Variants in ARHGAP24 observed in about 807,000 individuals in gnomAD.
ARHGAP24 encodes the protein rho GTPase-activating protein 24.
A neutral mutation model predicts 76.4 loss-of-function variants in ARHGAP24; 50 were observed. The observed-to-expected ratio is 0.65, with a 90% CI of 0.52 to 0.83. The LOEUF (loss-of-function observed/expected upper bound fraction) is 0.83. Ranked by LOEUF, ARHGAP24 falls within the 40% of genes least tolerant of loss-of-function variation. The probability of loss-of-function intolerance (pLI) is 0.00; values close to 1 mark genes in which losing one functional copy is unlikely to be tolerated. For missense variants in ARHGAP24, 930 were observed against 914.2 expected, an observed-to-expected ratio of 1.02 and a Z score of -0.22; for synonymous variants, 345 against 323.3, an observed-to-expected ratio of 1.07 and a Z score of -0.72.
intron 5 of ARHGAP24, among the ~76,000 whole-genome samples, chr4:85,958,598 T>G (rs972237727): frequency 1.3e-5 from 2 of 152,198 alleles, no homozygotes; most frequent in African/African-American, 2.4e-5. Context: ...TTTTCTGTGT[T>G]TTATGACTCA....
chr4:85,616,546 A>G (rs1206616988), intron 2 of ARHGAP24, among the ~76,000 whole-genome samples: 2 of 152,024 alleles, frequency 1.3e-5, no homozygotes, highest in Non-Finnish European at 2.9e-5. Flanking sequence ...CAGAGGTATT[A>G]TTTGTATTTG....
intron 3 of ARHGAP24, among the ~76,000 whole-genome samples, chr4:85,787,190 A>G (rs1336572304): frequency 6.6e-6 from 1 of 152,244 alleles, no homozygotes; most frequent in African/African-American, 2.4e-5. Flanking sequence ...GAAAGTTAAA[A>G]GACACTAACA....
intron 3 of ARHGAP24, chr4:85,723,279 A>G (rs1268867571): frequency 1.3e-5 from 2 of 152,244 alleles, no homozygotes; most frequent in African/African-American, 4.8e-5. Context: ...CAATAATGCT[A>G]GAGGTCTACT....
At chr4:85,521,759 T>C (rs1724764120) in intron 1 of ARHGAP24, among the ~76,000 whole-genome samples, 1 of 152,200 alleles carries the variant, frequency 6.6e-6, no homozygotes, top group African/African-American at 2.4e-5. Flanking sequence ...ACAAGCATAG[T>C]ACATATTCTT....
chr4:85,944,646 G>C (rs566486893), intron 5 of ARHGAP24, among the ~76,000 whole-genome samples: 2 of 152,094 alleles, frequency 1.3e-5, no homozygotes, highest in East Asian at 3.9e-4. Context: ...TTTGTCTGGG[G>C]CCTCTTTTTT....
At chr4:85,622,798 G>T (rs1720769962) in intron 2 of ARHGAP24, among the ~76,000 whole-genome samples, 1 of 152,168 alleles carries the variant, frequency 6.6e-6, no homozygotes, top group South Asian at 2.1e-4. Context: ...TCTAACTGGT[G>T]TGAGATGATA....
chr4:85,521,162 C>T (rs1450416625), intron 1 of ARHGAP24, among the ~76,000 whole-genome samples: 1 of 152,048 alleles, frequency 6.6e-6, no homozygotes, highest in African/African-American at 2.4e-5. Context: ...TTTTCCCAAA[C>T]CCTTTACTAA....
At chr4:85,738,093 G>C (rs987421864) in intron 3 of ARHGAP24, among the ~76,000 whole-genome samples, 2 of 151,892 alleles carry the variant, frequency 1.3e-5, no homozygotes, top group African/African-American at 4.8e-5. Flanking sequence ...GCTAATTTTT[G>C]TATTTTTAGT....
At chr4:85,552,376 G>T (rs1726174180) in intron 1 of ARHGAP24, among the ~76,000 whole-genome samples, 1 of 152,058 alleles carries the variant, frequency 6.6e-6, no homozygotes, top group Non-Finnish European at 1.5e-5. Context: ...GTTGAGCTGT[G>T]GTCTGAGAGA....
At chr4:85,656,729 G>A (rs936401432) in intron 2 of ARHGAP24, among the ~76,000 whole-genome samples, 4 of 152,000 alleles carry the variant, frequency 2.6e-5, no homozygotes, top group African/African-American at 9.7e-5. Flanking sequence ...GCCTCCCAAA[G>A]TGCTGGGATT....
Position 85,757,503 on chromosome 4 carries a change from G to A in ARHGAP24, c.268+35531G>A, listed in dbSNP as rs190614804. Among the ~76,000 whole-genome samples the A allele has an allele frequency of 3.2e-3, 491 of 152,232 alleles. 7 individuals are homozygous for A. The highest frequency in any genetic ancestry group is 0.01 in the African/African-American group (433 of 41,524). On this transcript the variant is annotated intron_variant, in intron 3 of 9. Transcript: ENST00000395184. Reference sequence around the variant, plus strand: ...TTCCTTGCAATAGTTTGCTGAGAATGATGGTTTCCAGCTTCATCCATGTCC... The same window carrying A: ...TTCCTTGCAATAGTTTGCTGAGAATAATGGTTTCCAGCTTCATCCATGTCC...
chr4:85,934,461 G>A (rs901655877), intron 4 of ARHGAP24, among the ~76,000 whole-genome samples: 4 of 152,026 alleles, frequency 2.6e-5, no homozygotes, highest in Non-Finnish European at 5.9e-5. Context: ...AGCTTTCTCT[G>A]TTTACCAATT....
At chr4:85,644,494 A>T (rs1325871837) in intron 2 of ARHGAP24, among the ~76,000 whole-genome samples, 3 of 152,114 alleles carry the variant, frequency 2.0e-5, no homozygotes, top group Admixed American at 1.3e-4. Context: ...AATGATGATG[A>T]TTGCATATTT....
chr4:85,767,701 G>A (rs1040314138), intron 3 of ARHGAP24, among the ~76,000 whole-genome samples: 1 of 152,176 alleles, frequency 6.6e-6, no homozygotes, highest in Non-Finnish European at 1.5e-5. Context: ...GCATATTATA[G>A]TCATGGTAGA....
chr4:85,844,786 G>T (rs115538004), intron 3 of ARHGAP24, among the ~76,000 whole-genome samples: 3,745 of 152,198 alleles, frequency 0.025, 159 homozygotes, highest in African/African-American at 0.086. Flanking sequence ...TTGTTTTATT[G>T]TTGTTTTAGT....
chr4:85,908,594 C>T (rs938448977), intron 3 of ARHGAP24, among the ~76,000 whole-genome samples: 3 of 152,086 alleles, frequency 2.0e-5, no homozygotes, highest in Non-Finnish European at 2.9e-5. Context: ...ACACACTCAA[C>T]AAAGGGGGCT....
At chr4:85,920,672 T>A (rs969879134) in intron 3 of ARHGAP24, among the ~76,000 whole-genome samples, 1 of 151,718 alleles carries the variant, frequency 6.6e-6, no homozygotes, top group Non-Finnish European at 1.5e-5. Context: ...CTTAAACAAA[T>A]TCACAAGAAA....
intron 4 of ARHGAP24, among the ~76,000 whole-genome samples, chr4:85,941,678 G>T (rs1363778172): frequency 6.6e-6 from 1 of 152,188 alleles, no homozygotes; most frequent in African/African-American, 2.4e-5. Context: ...AATAAAGGTA[G>T]AATTTGACTA....
At chr4:85,859,499 T>C (rs1449151122) in intron 3 of ARHGAP24, among the ~76,000 whole-genome samples, 1 of 152,130 alleles carries the variant, frequency 6.6e-6, no homozygotes, top group African/African-American at 2.4e-5. Context: ...GTAATAGTCA[T>C]CAAACGTTTA....
Sources: gnomAD v4.1 joint callset for allele counts (sites outside exome capture counted in the v4.1 genomes callset) on GRCh38, gnomAD v4.1.1 for gene constraint, MANE v1.5 for transcripts, NCBI Gene and HGNC (gene_info 2026-07-23, HGNC 2026-07-21) for gene names.